Variants in ANK2 observed in about 807,000 individuals in gnomAD.
ANK2 encodes the protein ankyrin 2.
A neutral mutation model predicts 360.5 loss-of-function variants in ANK2; 83 were observed. The observed-to-expected ratio is 0.23, with a 90% CI of 0.19 to 0.28. The LOEUF (loss-of-function observed/expected upper bound fraction) is 0.28, where lower values mean the gene tolerates loss of function less well. ANK2 is among the 10% of genes least tolerant of loss of function. The probability of loss-of-function intolerance (pLI) is 1.00; values close to 1 mark genes in which losing one functional copy is unlikely to be tolerated. For synonymous variants in ANK2, 1,740 were observed against 1,759.5 expected, an observed-to-expected ratio of 0.99 and a Z score of 0.28; for missense variants, 4,201 against 4,795.7, an observed-to-expected ratio of 0.88 and a Z score of 3.66.
At chr4:112,873,088 G>C (rs1396071929) in intron 1 of ANK2, among the ~76,000 whole-genome samples, 2 of 151,920 alleles carry the variant, frequency 1.3e-5, no homozygotes, top group South Asian at 2.1e-4. Flanking sequence ...TTTCCAATTT[G>C]AGTAATTTGA....
intron 2 of ANK2, among the ~76,000 whole-genome samples, chr4:112,947,619 A>G (rs2094629977): frequency 6.6e-6 from 1 of 152,212 alleles, no homozygotes; most frequent in African/African-American, 2.4e-5. Flanking sequence ...GAAAGCATGC[A>G]GGGCAAAGAC....
At chr4:112,882,673 A>G (rs2077022943) in intron 1 of ANK2, among the ~76,000 whole-genome samples, 1 of 151,898 alleles carries the variant, frequency 6.6e-6, no homozygotes, top group African/African-American at 2.4e-5. Flanking sequence ...TTAAGCCAAA[A>G]CGCCAGGTTT....
At chr4:112,774,399 G>A in the ANK2 span, among the ~76,000 whole-genome samples, 4 of 152,056 alleles carry the variant, frequency 2.6e-5, no homozygotes, top group African/African-American at 9.7e-5. Context: ...AGTGGCAGGT[G>A]TCTGTAGTCC....
chr4:112,956,088 A>AC (rs1437788498), intron 2 of ANK2, among the ~76,000 whole-genome samples: 2 of 152,204 alleles, frequency 1.3e-5, no homozygotes, highest in Admixed American at 1.3e-4. Flanking sequence ...GATGCCTGAA[A>AC]CCTCAGATAG....
chr4:112,861,839 CAGAG>C (rs141841376), intron 1 of ANK2, among the ~76,000 whole-genome samples: 68 of 140,440 alleles, frequency 4.8e-4, no homozygotes, highest in African/African-American at 7.9e-4. Flanking sequence ...TACATAGAGA[CAGAG>C]AGAGAGAGAG....
chr4:113,114,985 T>G (rs780174181), intron 1 of ANK2, among the ~76,000 whole-genome samples: 26 of 152,132 alleles, frequency 1.7e-4, no homozygotes, highest in Non-Finnish European at 2.9e-4. Flanking sequence ...GTTGCGAACA[T>G]TTTTTTAAAA....
chr4:113,145,672 G>A (rs1050593339), intron 1 of ANK2: 35 of 1,130,244 alleles, frequency 3.1e-5, no homozygotes, highest in South Asian at 2.3e-4. Context: ...TGCAGTTGCC[G>A]GGGGTTTTGA....
chr4:113,226,117 T>G (rs2099217305), intron 4 of ANK2, among the ~76,000 whole-genome samples: 1 of 152,192 alleles, frequency 6.6e-6, no homozygotes, highest in Non-Finnish European at 1.5e-5. Flanking sequence ...AATTCTCACT[T>G]CTTGGGATTT....
chr4:113,192,327 A>G (rs2098679314), intron 2 of ANK2, among the ~76,000 whole-genome samples: 1 of 151,910 alleles, frequency 6.6e-6, no homozygotes, highest in South Asian at 2.1e-4. Flanking sequence ...TCTTTTTTGC[A>G]ATCCAGAGCA....
At position 113,354,356 on chromosome 4, in the gene ANK2, G is replaced by C. The variant is rs1480689138; in HGVS notation, c.5738G>C (p.Arg1913Pro). The C allele has an allele frequency of 6.2e-7, 1 of 1,613,798 alleles. No individual in the cohort carries two copies. Among genetic ancestry groups the C allele is most frequent in the African/African-American group, 1.3e-5 (1 of 74,848 alleles). The change falls in exon 38 of 46, where the codon CGT becomes CCT. Residue 1913 changes from arginine (R) to proline (P), a missense_variant. This residue lies in a region of ANK2 where 2,642 missense variants were observed against 2,714.5 expected (regional missense o/e 0.97). Coordinates refer to ENST00000357077, the MANE Select transcript of ANK2 (RefSeq NM_001148.6). ...PVSPSGKTDK[R>P]PPVSPSGRTE... is the part of the protein sequence containing the mutation. ...TCGCCTTCAGGCAAAACAGACAAAC[G>C]TCCACCTGTATCGCCCTCCGGGAGG...
At chr4:112,987,789 T>TCTATAACATATATGTTATAGAAACAA (rs1171827614) in intron 2 of ANK2, among the ~76,000 whole-genome samples, 5 of 152,238 alleles carry the variant, frequency 3.3e-5, no homozygotes, top group Admixed American at 6.5e-5. Flanking sequence ...ATGTATTAGT[T>TCTATAACATATATGTTATAGAAACAA]CTATAACATA....
chr4:112,848,393 C>T (rs1351912640), intron 1 of ANK2, among the ~76,000 whole-genome samples: 2 of 152,224 alleles, frequency 1.3e-5, no homozygotes, highest in African/African-American at 4.8e-5. Flanking sequence ...AACTCCTGAC[C>T]TCAGGTGATC....
intron 2 of ANK2, among the ~76,000 whole-genome samples, chr4:113,033,515 G>C (rs2060883120): frequency 1.3e-5 from 2 of 152,084 alleles, no homozygotes; most frequent in Non-Finnish European, 1.5e-5. Context: ...TGATAAGTTA[G>C]TGTTATTGTC....
At position 113,358,275 on chromosome 4, in the gene ANK2, T is replaced by G. The variant is rs953435984; in HGVS notation, c.9657T>G (p.Ser3219Arg). ...AAACACCTACAAAAGAAGCTGTTAG[T>G]GTAGGGACCAAGGACCTCCCCACCG... is the stretch of plus-strand genomic sequence containing the variant. ...STETPTKEAVSVGTKDLPTVQ... is the reference protein window; with the variant it reads ...STETPTKEAVRVGTKDLPTVQ... The change falls in exon 38 of 46, where the codon AGT becomes AGG. Residue 3219 changes from serine to arginine, a missense_variant. Physicochemically the swap from Ser to Arg is moderately radical, Grantham distance 110. This residue lies in a region of ANK2 where 2,642 missense variants were observed against 2,714.5 expected (regional missense o/e 0.97). Transcript: ENST00000357077. The G allele has an allele frequency of 8.1e-6, 13 of 1,613,980 alleles. No individual in the cohort carries two copies. The highest frequency in any genetic ancestry group is 1.0e-5 in the Non-Finnish European group (12 of 1,179,902).
chr4:112,969,176 G>A (rs2038507832), intron 2 of ANK2, among the ~76,000 whole-genome samples: 1 of 152,160 alleles, frequency 6.6e-6, no homozygotes, highest in Admixed American at 6.5e-5. Context: ...AAACCCTTCA[G>A]ACCCTAGGCA....
the ANK2 span, among the ~76,000 whole-genome samples, chr4:112,775,907 C>T: frequency 3.9e-5 from 6 of 152,180 alleles, no homozygotes; most frequent in African/African-American, 1.4e-4. Flanking sequence ...TCCTGGAGGG[C>T]TTGTTAAAAC....
intron 2 of ANK2, among the ~76,000 whole-genome samples, chr4:113,021,537 C>T (rs959511576): frequency 1.3e-5 from 1 of 75,198 alleles, no homozygotes; most frequent in African/African-American, 4.7e-5. Context: ...CACCCACACA[C>T]AAACATATAT....
intron 9 of ANK2, among the ~76,000 whole-genome samples, chr4:113,246,908 G>A (rs1203812506): frequency 6.6e-6 from 1 of 152,144 alleles, no homozygotes; most frequent in Non-Finnish European, 1.5e-5. Context: ...CTACCAAAGG[G>A]AGAAATTAGT....
At chr4:112,788,545 C>G in the ANK2 span, 1 of 1,584,362 alleles carries the variant, frequency 6.3e-7, no homozygotes. Context: ...GGGCCAACAG[C>G]CTTCTTCTCT....
Sources: allele counts gnomAD v4.1 joint callset (sites outside exome capture counted in the v4.1 genomes callset), GRCh38; gene constraint gnomAD v4.1.1; regional missense constraint gnomAD v4.1.1; transcripts MANE v1.5; gene names NCBI Gene and HGNC (gene_info 2026-07-23, HGNC 2026-07-21).